POC1B: variants seen among roughly 807,000 people sequenced by gnomAD.
POC1B encodes the protein POC1 centriolar protein B, also known as POC1 centriolar protein homolog B.
A neutral mutation model predicts 60.6 loss-of-function variants in POC1B; 44 were observed. The observed-to-expected ratio is 0.73, with a 90% CI of 0.57 to 0.93. The LOEUF is 0.93. Ranked by LOEUF, POC1B falls within the 40% of genes least tolerant of loss-of-function variation. The pLI is 0.00. For synonymous variants in POC1B, 180 were observed against 198.9 expected, an observed-to-expected ratio of 0.90 and a Z score of 0.80; for missense variants, 555 against 572.3, an observed-to-expected ratio of 0.97 and a Z score of 0.31.
intron 10 of POC1B, among the ~76,000 whole-genome samples, chr12:89,430,671 C>T (rs979920141): frequency 9.2e-5 from 14 of 152,230 alleles, no homozygotes; most frequent in East Asian, 3.9e-4. Flanking sequence ...CACAAGACTT[C>T]GTGCCATCAG....
chr12:89,460,335 T>C (rs963245537), intron 9 of POC1B, among the ~76,000 whole-genome samples: 18 of 152,140 alleles, frequency 1.2e-4, no homozygotes, highest in African/African-American at 4.3e-4. Context: ...ATAAAACTTA[T>C]GTTAACATTA....
intron 10 of POC1B, among the ~76,000 whole-genome samples, chr12:89,450,833 C>G (rs1882009688): frequency 6.6e-6 from 1 of 152,040 alleles, no homozygotes; most frequent in Admixed American, 6.6e-5. Context: ...CTTATTATTT[C>G]TTTAGGATGA....
At chr12:89,518,055 T>G (rs1870544625) in intron 2 of POC1B, among the ~76,000 whole-genome samples, 1 of 152,048 alleles carries the variant, frequency 6.6e-6, no homozygotes, top group Non-Finnish European at 1.5e-5. Context: ...ACCCCAATAA[T>G]TATTAAGTTA....
At chr12:89,449,625 C>T (rs976853505) in intron 10 of POC1B, among the ~76,000 whole-genome samples, 14 of 152,030 alleles carry the variant, frequency 9.2e-5, no homozygotes, top group African/African-American at 1.4e-4. Flanking sequence ...CAATGGCAAT[C>T]GACATTCCAA....
chr12:89,425,099 T>A (rs1880704302), intron 11 of POC1B, 62 bp downstream of exon 11: 3 of 1,524,878 alleles, frequency 2.0e-6, no homozygotes, highest in Non-Finnish European at 2.7e-6. Flanking sequence ...ACTTGCTGTA[T>A]CCAGAATTGT....
At chr12:89,418,299 G>A (rs1360203047), downstream of POC1B, among the ~76,000 whole-genome samples, 2 of 152,190 alleles carry the variant, frequency 1.3e-5, no homozygotes, top group East Asian at 1.9e-4. Context: ...AGGCCGCTAT[G>A]GCCAGAGGGT....
chr12:89,415,479 T>C (rs550850470), downstream of POC1B, among the ~76,000 whole-genome samples: 1 of 152,168 alleles, frequency 6.6e-6, no homozygotes, highest in South Asian at 2.1e-4. Context: ...CCGTCTCTAC[T>C]AAATATACAA....
intron 2 of POC1B, chr12:89,502,619 C>A: frequency 7.7e-7 from 1 of 1,306,808 alleles, no homozygotes; most frequent in Non-Finnish European, 1.1e-6. Flanking sequence ...AGAGATTATT[C>A]TCATGGATCT....
At chr12:89,409,950 T>G in the POC1B span, among the ~76,000 whole-genome samples, 2 of 152,316 alleles carry the variant, frequency 1.3e-5, no homozygotes, top group East Asian at 1.9e-4. Flanking sequence ...CCCTATCTCA[T>G]TTTATGAGGC....
In POC1B at chr12:89,525,150, A is replaced by G; in HGVS notation, c.70T>C (p.Leu24=). ...FKGHKAAITS[L]DLSPNGKQLA... ...TGCTTGCCGTTGGGGCTGAGGTCCA[A>G]GGAGGTGATCGCAGCTTTGTGGCCT... is the stretch of plus-strand genomic sequence containing the variant. Residue 24 remains leucine, a synonymous_variant, in exon 2 of 12, where the codon TTG becomes CTG. Transcript: ENST00000313546. 1 of 1,614,030 alleles carries G rather than the reference A, an allele frequency of 6.2e-7. No homozygotes were observed. The highest frequency in any genetic ancestry group is 8.5e-7 in the Non-Finnish European group (1 of 1,179,900).
chr12:89,514,402 C>CTGTTTTTTT (rs1870341231), intron 2 of POC1B, among the ~76,000 whole-genome samples: 1 of 67,088 alleles, frequency 1.5e-5, no homozygotes, highest in Non-Finnish European at 2.6e-5. Flanking sequence ...TCATGTATTT[C>CTGTTTTTTT]TTTTTTTTTT....
chr12:89,452,779 T>C (rs192979456), intron 10 of POC1B, among the ~76,000 whole-genome samples: 6 of 152,290 alleles, frequency 3.9e-5, no homozygotes, highest in Non-Finnish European at 8.8e-5. Flanking sequence ...GCTATACAGA[T>C]TATCTATCTT....
At chr12:89,507,196 T>G (rs991308320) in intron 2 of POC1B, among the ~76,000 whole-genome samples, 6 of 129,752 alleles carry the variant, frequency 4.6e-5, no homozygotes, top group African/African-American at 9.0e-5. Flanking sequence ...AGGTGGGAGA[T>G]AGAGGCTGTA....
At chr12:89,464,897 T>C (rs892479237) in intron 9 of POC1B, among the ~76,000 whole-genome samples, 1 of 151,904 alleles carries the variant, frequency 6.6e-6, no homozygotes, top group Non-Finnish European at 1.5e-5. Context: ...GGCCTCAAAG[T>C]GTTTTACAAA....
At chr12:89,407,513 C>G in the POC1B span, among the ~76,000 whole-genome samples, 1 of 152,124 alleles carries the variant, frequency 6.6e-6, no homozygotes, top group East Asian at 1.9e-4. Flanking sequence ...ACTGGGATAA[C>G]AGGCATCAGC....
At chr12:89,507,524 G>A (rs774131304) in intron 2 of POC1B, among the ~76,000 whole-genome samples, 9 of 152,000 alleles carry the variant, frequency 5.9e-5, no homozygotes, top group Non-Finnish European at 1.3e-4. Flanking sequence ...CATCTTCAAC[G>A]GGTCTATTTC....
intron 3 of POC1B, among the ~76,000 whole-genome samples, chr12:89,493,067 G>A (rs1358767214): frequency 6.6e-6 from 1 of 152,110 alleles, no homozygotes; most frequent in Non-Finnish European, 1.5e-5. Context: ...GTACTTTGGT[G>A]AGGTATCCTG....
At chr12:89,499,742 T>C (rs1292691312) in intron 2 of POC1B, among the ~76,000 whole-genome samples, 1 of 152,226 alleles carries the variant, frequency 6.6e-6, no homozygotes, top group Non-Finnish European at 1.5e-5. Context: ...ATCCTACACT[T>C]TATACCACAT....
chr12:89,494,559 T>C (rs1869148495), intron 3 of POC1B, among the ~76,000 whole-genome samples: 2 of 152,244 alleles, frequency 1.3e-5, no homozygotes, highest in Non-Finnish European at 1.5e-5. Context: ...CTCATCCCTG[T>C]ACACGCATGT....
Sources: allele counts gnomAD v4.1 joint callset (sites outside exome capture counted in the v4.1 genomes callset), GRCh38; gene constraint gnomAD v4.1.1; transcripts MANE v1.5; gene names NCBI Gene and HGNC (gene_info 2026-07-23, HGNC 2026-07-21).